FNBP1L: variants seen among roughly 807,000 people sequenced by gnomAD.
The protein encoded by FNBP1L is formin-binding protein 1-like.
A neutral mutation model predicts 91.2 loss-of-function variants in FNBP1L; 36 were observed. The observed-to-expected ratio is 0.39, with a 90% CI of 0.30 to 0.52. The LOEUF is 0.52. Among genes scored for constraint, FNBP1L ranks in the 20% least tolerant of loss-of-function variants. FNBP1L has a pLI of 0.66. For synonymous variants in FNBP1L, 242 were observed against 237.0 expected (o/e 1.02, Z -0.19); for missense variants, 571 against 732.1 (o/e 0.78, Z 2.54).
At chr1:93,494,260 G>GTA (rs747991717) in intron 1 of FNBP1L, among the ~76,000 whole-genome samples, 3 of 152,164 alleles carry the variant, frequency 2.0e-5, no homozygotes, top group Non-Finnish European at 4.4e-5. Flanking sequence ...AGATGAAGAG[G>GTA]TACCTAGGGT....
rs1202100168 is a variant in FNBP1L at position 93,501,368 on chromosome 1, G to A, written c.140+1785G>A. On this transcript the variant is annotated intron_variant, in intron 2 of 16. Coordinates refer to ENST00000271234, the MANE Select transcript of FNBP1L (RefSeq NM_001164473.3). ...GTTTATTTAACTAATGGTTGTACAG[G>A]CTGGTAAGTTCAAAGGCATGCCCCC... Among the ~76,000 whole-genome samples, 8 of 152,144 alleles carry A rather than the reference G, an allele frequency of 5.3e-5. 1 individual carries two copies. Among genetic ancestry groups the A allele is most frequent in the Non-Finnish European group, 1.0e-4 (7 of 68,026 alleles).
At chr1:93,448,822 C>T (rs973058039) in intron 1 of FNBP1L, among the ~76,000 whole-genome samples, 6 of 152,150 alleles carry the variant, frequency 3.9e-5, no homozygotes, top group Admixed American at 1.3e-4. Flanking sequence ...GCCCAGAGCC[C>T]TCGCCCCAGG....
At chr1:93,449,212 G>T (rs2101677057) in intron 1 of FNBP1L, among the ~76,000 whole-genome samples, 1 of 152,220 alleles carries the variant, frequency 6.6e-6, no homozygotes, top group African/African-American at 2.4e-5. Context: ...AGGGTAATAG[G>T]TCGGAGAATT....
intron 1 of FNBP1L, among the ~76,000 whole-genome samples, chr1:93,475,667 T>G (rs1197825593): frequency 1.3e-5 from 2 of 152,174 alleles, no homozygotes; most frequent in African/African-American, 4.8e-5. Context: ...AGTGTAAATG[T>G]TAGATAAATA....
At chr1:93,526,385 G>A (rs933389815) in intron 5 of FNBP1L, among the ~76,000 whole-genome samples, 6 of 152,108 alleles carry the variant, frequency 3.9e-5, no homozygotes, top group African/African-American at 1.4e-4. Flanking sequence ...CCTCAGCCAT[G>A]TCTCCTTAAG....
intron 1 of FNBP1L, among the ~76,000 whole-genome samples, chr1:93,494,849 G>A (rs773634515): frequency 4.6e-5 from 7 of 152,170 alleles, no homozygotes; most frequent in Non-Finnish European, 8.8e-5. Flanking sequence ...GCAAAGTCAC[G>A]TCTTACATGG....
intron 14 of FNBP1L, among the ~76,000 whole-genome samples, chr1:93,548,372 TTA>T (rs1672306944): frequency 6.6e-6 from 1 of 152,210 alleles, no homozygotes; most frequent in African/African-American, 2.4e-5. Context: ...AGCAAAATTA[TTA>T]ACATTTTTCT....
chr1:93,458,130 A>G (rs980888693), intron 1 of FNBP1L, among the ~76,000 whole-genome samples: 7 of 151,908 alleles, frequency 4.6e-5, no homozygotes, highest in Non-Finnish European at 7.4e-5. Flanking sequence ...AATTTTTGCT[A>G]TTTTGATTTC....
In FNBP1L at chr1:93,524,306, T is replaced by A; in HGVS notation, c.388T>A (p.Trp130Arg). 6.6e-7 allele frequency: 1 copy of A among 1,508,070 alleles called. No individual in the cohort carries two copies. The highest frequency in any genetic ancestry group is 1.3e-5 in the South Asian group (1 of 74,310). The allele number at this position is 1,508,070 out of a possible 1,614,324, so 93.4% of individuals were successfully genotyped here. A position where few individuals can be genotyped will look rare whatever the true frequency, so the allele number is the denominator to read the frequency against. Residue 130 changes from tryptophan to arginine, a missense_variant, in exon 5 of 17, where the codon TGG becomes AGG. Around this residue, in one of 5 missense-constraint regions of FNBP1L, gnomAD observed 220 missense variants for 313.6 expected, o/e 0.70. Transcript: ENST00000271234. ...RKAQQYLDMCWKQMDNSKKKF... is the reference protein window; with the variant it reads ...RKAQQYLDMCRKQMDNSKKKF... ...AGCTCAACAATATCTTGACATGTGC[T>A]GGAAACAGATGGATAATGTGAGTTA...
intron 5 of FNBP1L, among the ~76,000 whole-genome samples, chr1:93,528,513 G>A (rs1671565357): frequency 6.6e-6 from 1 of 152,164 alleles, no homozygotes; most frequent in South Asian, 2.1e-4. Context: ...TAGCCATGGA[G>A]ATTCAGTTAT....
chr1:93,510,165 A>T (rs1340891196), intron 2 of FNBP1L, among the ~76,000 whole-genome samples: 1 of 152,222 alleles, frequency 6.6e-6, no homozygotes, highest in Non-Finnish European at 1.5e-5. Flanking sequence ...GGCAGGGCAC[A>T]GACAAACAAA....
At chr1:93,506,884 A>G (rs1011408057) in intron 2 of FNBP1L, among the ~76,000 whole-genome samples, 4 of 152,152 alleles carry the variant, frequency 2.6e-5, no homozygotes, top group African/African-American at 9.7e-5. Context: ...ACTTAAATAT[A>G]TATTAAAAAG....
At chr1:93,547,708 G>T (rs1356803922) in intron 14 of FNBP1L, among the ~76,000 whole-genome samples, 1 of 152,086 alleles carries the variant, frequency 6.6e-6, no homozygotes, top group Admixed American at 6.6e-5. Flanking sequence ...TGAGGGCCTA[G>T]GCTCCTCGGG....
At chr1:93,520,735 A>G (rs1308502984) in intron 2 of FNBP1L, among the ~76,000 whole-genome samples, 1 of 152,114 alleles carries the variant, frequency 6.6e-6, no homozygotes, top group African/African-American at 2.4e-5. Context: ...AAATTGTCCA[A>G]GGTCACATAG....
intron 1 of FNBP1L, among the ~76,000 whole-genome samples, chr1:93,494,162 G>C (rs1670189230): frequency 6.6e-6 from 1 of 152,172 alleles, no homozygotes; most frequent in African/African-American, 2.4e-5. Context: ...ATAATTTGCT[G>C]TAATGACTTA....
chr1:93,453,030 C>T (rs931143052), intron 1 of FNBP1L, among the ~76,000 whole-genome samples: 10 of 152,144 alleles, frequency 6.6e-5, no homozygotes, highest in Admixed American at 6.5e-4. Context: ...GCCCAGAATG[C>T]CCTCTGTTGA....
At chr1:93,530,984 C>A in intron 7 of FNBP1L, 101 bp downstream of exon 7, 3 of 958,896 alleles carry the variant, frequency 3.1e-6, no homozygotes. Context: ...ATTCACTAGA[C>A]ATCAGGGTTG....
rs115176636 is a variant in FNBP1L at position 93,478,650 on chromosome 1, T to C, written c.25-20818T>C. On this transcript the variant is annotated intron_variant, in intron 1 of 16. Transcript: ENST00000271234. Reference sequence around the variant, plus strand: ...TAAAGAGGGTACCTGTATGTAGCCATGGTGGCAATGAGAGACTGATTACTA... The same window carrying C: ...TAAAGAGGGTACCTGTATGTAGCCACGGTGGCAATGAGAGACTGATTACTA... Among the ~76,000 whole-genome samples the C allele has an allele frequency of 3.5e-3, 527 of 152,270 alleles. 1 individual carries two copies. Among genetic ancestry groups the C allele is most frequent in the African/African-American group, 0.012 (511 of 41,556 alleles).
chr1:93,513,120 A>T (rs1007991328), intron 2 of FNBP1L, among the ~76,000 whole-genome samples: 4 of 152,348 alleles, frequency 2.6e-5, no homozygotes, highest in South Asian at 4.1e-4. Context: ...ACAAACGACC[A>T]TCAGAGAACA....
Sources: gnomAD v4.1 joint callset for allele counts (sites outside exome capture counted in the v4.1 genomes callset) on GRCh38, gnomAD v4.1.1 for gene constraint, gnomAD v4.1.1 regional missense constraint, MANE v1.5 for transcripts, NCBI Gene and HGNC (gene_info 2026-07-23, HGNC 2026-07-21) for gene names.